The following FRS2 variants were observed in gnomAD, a reference collection of about 807,000 sequenced individuals.
FRS2 encodes FGFR signalling adaptor.
Under a neutral mutation model 43.9 loss-of-function variants are expected in FRS2, and 8 were observed. The ratio of observed to expected loss-of-function variants is 0.18; its 90% CI spans 0.11 to 0.33. The LOEUF (loss-of-function observed/expected upper bound fraction) is 0.33, where lower values mean the gene tolerates loss of function less well. FRS2 is among the 10% of genes least tolerant of loss of function. The pLI is 1.00. For synonymous variants in FRS2, 219 were observed against 220.3 expected (o/e 0.99, Z 0.05); for missense variants, 534 against 627.6 (o/e 0.85, Z 1.59).
intron 1 of FRS2, among the ~76,000 whole-genome samples, chr12:69,521,386 C>T (rs1402898288): frequency 1.3e-5 from 2 of 152,078 alleles, no homozygotes; most frequent in Non-Finnish European, 2.9e-5. Flanking sequence ...ATTTGAATGC[C>T]CTTTATTTCT....
intron 1 of FRS2, among the ~76,000 whole-genome samples, chr12:69,526,746 CAG>C (rs1270074645): frequency 6.7e-6 from 1 of 148,880 alleles, no homozygotes; most frequent in Non-Finnish European, 1.5e-5. Context: ...TTTTTTGAGA[CAG>C]AGTGTCACTC....
At chr12:69,501,900 A>G (rs1198590877) in intron 1 of FRS2, among the ~76,000 whole-genome samples, 1 of 152,180 alleles carries the variant, frequency 6.6e-6, no homozygotes, top group Non-Finnish European at 1.5e-5. Flanking sequence ...GCATTAGCGT[A>G]GACATCTGTG....
intron 1 of FRS2, among the ~76,000 whole-genome samples, chr12:69,522,377 A>C (rs576440718): frequency 3.0e-4 from 45 of 151,936 alleles, no homozygotes; most frequent in African/African-American, 9.9e-4. Flanking sequence ...TAGATTTTCT[A>C]GTTTGTGTGC....
intron 1 of FRS2, among the ~76,000 whole-genome samples, chr12:69,479,539 A>C (rs1313482733): frequency 6.6e-6 from 1 of 151,848 alleles, no homozygotes; most frequent in African/African-American, 2.4e-5. Flanking sequence ...CTGGGATTAC[A>C]GGTGTGTACC....
At position 69,574,536 on chromosome 12, in the gene FRS2, G is replaced by T; in HGVS notation, c.1108G>T (p.Asp370Tyr). 1 of 1,614,112 alleles carries T rather than the reference G, an allele frequency of 6.2e-7. No individual in the cohort carries two copies. The change falls in exon 9 of 9, where the codon GAC becomes TAC. Residue 370 changes from aspartate to tyrosine, a missense_variant. Asp to Tyr is a radical substitution (Grantham distance 160). Around this residue, in one of 3 missense-constraint regions of FRS2, gnomAD observed 446 missense variants for 494.2 expected, o/e 0.90. Transcript: ENST00000549921. ...CCGCAAGCTAAGTAGGGATGAAGATGACAATTTAGGACCAAAGACCCCATC... is the reference window on the plus strand; with the variant it reads ...CCGCAAGCTAAGTAGGGATGAAGATTACAATTTAGGACCAAAGACCCCATC... ...EARKLSRDED[D>Y]NLGPKTPSLN...
intron 7 of FRS2, among the ~76,000 whole-genome samples, chr12:69,571,775 A>G (rs572267056): frequency 1.3e-5 from 2 of 152,268 alleles, no homozygotes; most frequent in Admixed American, 1.3e-4. Flanking sequence ...GAGGCAGGAG[A>G]ATAGCATGAA....
intron 1 of FRS2, among the ~76,000 whole-genome samples, chr12:69,477,803 T>A (rs1201965996): frequency 6.6e-6 from 1 of 150,620 alleles, no homozygotes; most frequent in Admixed American, 6.6e-5. Flanking sequence ...TGCAGTGGCA[T>A]GATCCTGGCT....
chr12:69,546,139 T>C (rs1878384893), intron 3 of FRS2, among the ~76,000 whole-genome samples: 1 of 152,076 alleles, frequency 6.6e-6, no homozygotes. Flanking sequence ...TGAATAGACA[T>C]TACACCAAAG....
At chr12:69,513,629 T>C (rs1378179935) in intron 1 of FRS2, among the ~76,000 whole-genome samples, 1 of 152,204 alleles carries the variant, frequency 6.6e-6, no homozygotes, top group Non-Finnish European at 1.5e-5. Flanking sequence ...TGAATAGTTT[T>C]GCTATTTAGA....
At chr12:69,501,256 A>G (rs1379809982) in intron 1 of FRS2, among the ~76,000 whole-genome samples, 2 of 152,294 alleles carry the variant, frequency 1.3e-5, no homozygotes, top group East Asian at 3.9e-4. Flanking sequence ...CAAGATATAA[A>G]TAAATACGTA....
chr12:69,524,258 C>A (rs1264530219), intron 1 of FRS2, among the ~76,000 whole-genome samples: 1 of 152,076 alleles, frequency 6.6e-6, no homozygotes, highest in Non-Finnish European at 1.5e-5. Flanking sequence ...GCACTCACGG[C>A]AGCAGAGGCA....
At chr12:69,485,094 C>T (rs1292456130) in intron 1 of FRS2, among the ~76,000 whole-genome samples, 1 of 134,088 alleles carries the variant, frequency 7.5e-6, no homozygotes, top group Non-Finnish European at 1.5e-5. Flanking sequence ...CACACACACA[C>T]ACACACACAC....
At chr12:69,481,174 C>T (rs1390850239) in intron 1 of FRS2, among the ~76,000 whole-genome samples, 1 of 151,942 alleles carries the variant, frequency 6.6e-6, no homozygotes, top group Non-Finnish European at 1.5e-5. Context: ...TTTTTGTGAA[C>T]CATTGAAGAG....
At chr12:69,501,818 A>T (rs1873469260) in intron 1 of FRS2, among the ~76,000 whole-genome samples, 3 of 152,218 alleles carry the variant, frequency 2.0e-5, no homozygotes. Context: ...TTTCATTATC[A>T]TATTGTTTAT....
chr12:69,473,223 G>A (rs1162248734), intron 1 of FRS2, among the ~76,000 whole-genome samples: 1 of 152,196 alleles, frequency 6.6e-6, no homozygotes, highest in Admixed American at 6.5e-5. Flanking sequence ...GCTCAAATAT[G>A]TTAAGTTACT....
intron 3 of FRS2, among the ~76,000 whole-genome samples, chr12:69,543,998 A>C (rs1370201926): frequency 6.9e-6 from 1 of 144,636 alleles, no homozygotes; most frequent in Non-Finnish European, 1.5e-5. Context: ...ATTGTGAACC[A>C]CTTTGAAGTG....
At chr12:69,484,295 A>G (rs1322692265) in intron 1 of FRS2, among the ~76,000 whole-genome samples, 2 of 152,132 alleles carry the variant, frequency 1.3e-5, no homozygotes, top group Non-Finnish European at 2.9e-5. Flanking sequence ...CATGTTAGCC[A>G]GGATGGTCTC....
intron 3 of FRS2, among the ~76,000 whole-genome samples, chr12:69,558,633 G>A (rs1326713929): frequency 6.6e-6 from 1 of 152,138 alleles, no homozygotes; most frequent in Non-Finnish European, 1.5e-5. Flanking sequence ...ACTCAGTATA[G>A]GGACCAGCTT....
intron 1 of FRS2, among the ~76,000 whole-genome samples, chr12:69,529,461 T>C (rs1876575865): frequency 6.6e-6 from 1 of 151,804 alleles, no homozygotes; most frequent in Non-Finnish European, 1.5e-5. Flanking sequence ...TCGTCTCTAC[T>C]AAAAATACAA....
Sources: gnomAD v4.1 joint callset for allele counts (sites outside exome capture counted in the v4.1 genomes callset) on GRCh38, gnomAD v4.1.1 for gene constraint, gnomAD v4.1.1 regional missense constraint, MANE v1.5 for transcripts, NCBI Gene and HGNC (gene_info 2026-07-23, HGNC 2026-07-21) for gene names.